Variants in INPP4B observed in about 807,000 individuals in gnomAD.
The protein encoded by INPP4B is inositol polyphosphate 4-phosphatase type II.
In INPP4B, 55 loss-of-function variants were observed where a neutral mutation model predicts 122.5. The ratio of observed to expected loss-of-function variants is 0.45; its 90% CI spans 0.36 to 0.56. The LOEUF (loss-of-function observed/expected upper bound fraction) is 0.56, where lower values mean the gene tolerates loss of function less well. Ranked by LOEUF, INPP4B falls within the 20% of genes least tolerant of loss-of-function variation. The pLI is 0.00. For missense variants in INPP4B, 1,000 were observed against 1,097.7 expected, an observed-to-expected ratio of 0.91 and a Z score of 1.26; for synonymous variants, 403 against 388.7, an observed-to-expected ratio of 1.04 and a Z score of -0.43.
intron 2 of INPP4B, among the ~76,000 whole-genome samples, chr4:142,677,989 TA>T (rs951693807): frequency 6.7e-6 from 1 of 150,268 alleles, no homozygotes; most frequent in Non-Finnish European, 1.5e-5. Context: ...TAAAGTACAA[TA>T]AAAAAAAGCT....
At chr4:142,646,744 A>G (rs895537262) in intron 2 of INPP4B, among the ~76,000 whole-genome samples, 4 of 152,250 alleles carry the variant, frequency 2.6e-5, no homozygotes, top group African/African-American at 9.6e-5. Context: ...AAATTGCAGG[A>G]CCACTGGACT....
intron 1 of INPP4B, among the ~76,000 whole-genome samples, chr4:142,756,242 A>C (rs1398189923): frequency 6.6e-6 from 1 of 152,080 alleles, no homozygotes; most frequent in African/African-American, 2.4e-5. Flanking sequence ...CCATGAAGGA[A>C]GTTAGCCTGA....
chr4:142,643,969 G>A (rs1033469251), intron 2 of INPP4B, among the ~76,000 whole-genome samples: 2 of 152,092 alleles, frequency 1.3e-5, no homozygotes, highest in Non-Finnish European at 1.5e-5. Flanking sequence ...GGGAGGCTGA[G>A]GCAGGAGGAT....
intron 1 of INPP4B, among the ~76,000 whole-genome samples, chr4:142,821,654 T>A (rs945882598): frequency 6.6e-6 from 1 of 152,170 alleles, no homozygotes. Context: ...TATTCAACAA[T>A]AAACAAATAG....
chr4:142,584,631 T>C (rs994646203), intron 2 of INPP4B, among the ~76,000 whole-genome samples: 1 of 151,860 alleles, frequency 6.6e-6, no homozygotes, highest in Non-Finnish European at 1.5e-5. Flanking sequence ...ATGTCAAAGG[T>C]ACATATTATC....
At chr4:142,525,836 C>A (rs1051894903) in intron 2 of INPP4B, among the ~76,000 whole-genome samples, 7 of 149,830 alleles carry the variant, frequency 4.7e-5, no homozygotes, top group Non-Finnish European at 8.9e-5. Context: ...TGGGCAAGGA[C>A]TTCATGTCTA....
rs557570650 is a variant in INPP4B, at chr4:142,683,173, C to A, written c.-191+42666G>T. Among the ~76,000 whole-genome samples the A allele has an allele frequency of 5.3e-5, 8 of 151,980 alleles. No homozygotes were observed. In the South Asian group the frequency reaches 6.2e-4, roughly 12 times the overall value. The stretch of plus-strand genomic sequence containing the variant: ...AACCCACTGTAATTAAATGTTGTCA[C>A]CCTGAAATAAAAGGATATCTTTTCT... On this transcript the variant is annotated intron_variant, in intron 2 of 25. Coordinates refer to ENST00000262992, the MANE Select transcript of INPP4B (RefSeq NM_001101669.3).
chr4:142,455,574 T>C (rs1815225585), intron 3 of INPP4B, among the ~76,000 whole-genome samples: 2 of 152,012 alleles, frequency 1.3e-5, no homozygotes, highest in South Asian at 4.2e-4. Flanking sequence ...TTATGGACAC[T>C]TAGGCTGCTT....
intron 5 of INPP4B, among the ~76,000 whole-genome samples, chr4:142,415,591 G>A (rs1266757947): frequency 6.6e-6 from 1 of 152,030 alleles, no homozygotes; most frequent in African/African-American, 2.4e-5. Context: ...GGAAGTCAGT[G>A]TGGCGATTCC....
At chr4:142,397,140 G>T (rs1051274208) in intron 7 of INPP4B, among the ~76,000 whole-genome samples, 3 of 152,154 alleles carry the variant, frequency 2.0e-5, no homozygotes, top group Non-Finnish European at 4.4e-5. Flanking sequence ...CAAGGAAAGT[G>T]AACTTAATTA....
intron 2 of INPP4B, chr4:142,518,886 A>G (rs982541640): frequency 6.6e-5 from 10 of 152,150 alleles, no homozygotes; most frequent in Non-Finnish European, 1.3e-4. Context: ...CTGTAACCCT[A>G]TGAGAGCTGC....
chr4:142,512,670 GTCA>G (rs1030025829), intron 2 of INPP4B, among the ~76,000 whole-genome samples: 1 of 151,966 alleles, frequency 6.6e-6, no homozygotes, highest in Non-Finnish European at 1.5e-5. Flanking sequence ...TTTAGTCGTC[GTCA>G]TCATCATCAT....
At chr4:142,274,089 C>A (rs1163807659) in intron 9 of INPP4B, among the ~76,000 whole-genome samples, 1 of 151,670 alleles carries the variant, frequency 6.6e-6, no homozygotes, top group Non-Finnish European at 1.5e-5. Context: ...TTCTTAAATG[C>A]TAAATTATGC....
chr4:142,374,247 G>A (rs112184535), intron 7 of INPP4B, among the ~76,000 whole-genome samples: 1,585 of 151,990 alleles, frequency 0.01, 28 homozygotes, highest in African/African-American at 0.036. Context: ...TAATTGTGTT[G>A]AAGTCTGGAT....
At chr4:142,329,653 AG>A (rs1773739537) in intron 7 of INPP4B, among the ~76,000 whole-genome samples, 1 of 152,152 alleles carries the variant, frequency 6.6e-6, no homozygotes, top group South Asian at 2.1e-4. Flanking sequence ...CTAGATATGC[AG>A]GTTTTTAGAG....
At chr4:142,483,360 A>C (rs1036953301) in intron 2 of INPP4B, among the ~76,000 whole-genome samples, 2 of 152,048 alleles carry the variant, frequency 1.3e-5, no homozygotes, top group Non-Finnish European at 2.9e-5. Flanking sequence ...AAAAAGTAAT[A>C]GTGGCAACCA....
At chr4:142,536,835 A>G (rs957053068) in intron 2 of INPP4B, among the ~76,000 whole-genome samples, 1 of 152,134 alleles carries the variant, frequency 6.6e-6, no homozygotes, top group African/African-American at 2.4e-5. Context: ...CTCTGTCACC[A>G]GGCTGGAGTG....
intron 2 of INPP4B, among the ~76,000 whole-genome samples, chr4:142,651,337 A>C (rs905325491): frequency 5.9e-5 from 9 of 152,198 alleles, no homozygotes; most frequent in Non-Finnish European, 1.2e-4. Context: ...AAACAAATTC[A>C]AAAGCTAGTG....
intron 7 of INPP4B, among the ~76,000 whole-genome samples, chr4:142,364,838 C>T (rs906147027): frequency 6.6e-6 from 1 of 152,154 alleles, no homozygotes; most frequent in Admixed American, 6.5e-5. Flanking sequence ...ACTAGTGAGC[C>T]CGGGAGGCAG....
Sources: allele counts gnomAD v4.1 joint callset (sites outside exome capture counted in the v4.1 genomes callset), GRCh38; gene constraint gnomAD v4.1.1; transcripts MANE v1.5; gene names NCBI Gene and HGNC (gene_info 2026-07-23, HGNC 2026-07-21).